DCLRE1C: variants seen among roughly 807,000 people sequenced by gnomAD.
DCLRE1C encodes DNA cross-link repair 1C.
A neutral mutation model predicts 61.4 loss-of-function variants in DCLRE1C; 47 were observed. That is an observed-to-expected ratio of 0.77 (90% CI 0.61 to 0.98). DCLRE1C has a LOEUF of 0.98. Among genes scored for constraint, DCLRE1C ranks in the 50% least tolerant of loss-of-function variants. The pLI is 0.00. For synonymous variants in DCLRE1C, 337 were observed against 287.6 expected (o/e 1.17, Z -1.74); for missense variants, 858 against 816.0 (o/e 1.05, Z -0.63).
At position 14,954,075 on chromosome 10, in the gene DCLRE1C, GCGC is replaced by G; in HGVS notation, c.-68_-66del. ...GCTGAAGCCAAGGCCAGCCCTGACC[GCGC>G]CGCCACTTCCGGGAAGCCGCGCGCT... is the stretch of plus-strand genomic sequence containing the variant. On this transcript the variant is annotated 5_prime_UTR_variant, in exon 1 of 14. Coordinates refer to ENST00000378278, the MANE Select transcript of DCLRE1C (RefSeq NM_001033855.3). 1.2e-6 allele frequency: 2 copies of G among 1,604,852 alleles called. No individual in the cohort carries two copies. Among genetic ancestry groups the G allele is most frequent in the East Asian group, 4.5e-5 (2 of 44,732 alleles).
At chr10:14,925,028 TA>T (rs1837726772) in intron 11 of DCLRE1C, among the ~76,000 whole-genome samples, 1 of 151,552 alleles carries the variant, frequency 6.6e-6, no homozygotes, top group Non-Finnish European at 1.5e-5. Context: ...TAACTCTACA[TA>T]AAAATAAAAG....
chr10:14,910,026 G>C (rs1227539634), intron 13 of DCLRE1C, among the ~76,000 whole-genome samples: 1 of 152,176 alleles, frequency 6.6e-6, no homozygotes, highest in East Asian at 1.9e-4. Flanking sequence ...TAGGAAGAAA[G>C]TTAAATGCAC....
rs766546189 is a variant in DCLRE1C, at chr10:14,934,376, A to G, written c.678+4T>C. On this transcript the variant is annotated splice_donor_region_variant and intron_variant, in intron 8 of 13. Transcript: ENST00000378278. ...GAAAAGAAAAGAATGAACAGTCACC[A>G]TACCTGGACTCCTAATTCTTCACTA... The G allele has an allele frequency of 6.2e-7, 1 of 1,613,924 alleles. No individual in the cohort carries two copies. Among genetic ancestry groups the G allele is most frequent in the Admixed American group, 1.7e-5 (1 of 59,980 alleles).
chr10:14,931,290 G>C (rs1277535862), intron 9 of DCLRE1C, among the ~76,000 whole-genome samples: 2 of 152,234 alleles, frequency 1.3e-5, no homozygotes, highest in South Asian at 2.1e-4. Context: ...GCTGGGTGTG[G>C]TGGCTCATGC....
Position 14,908,302 on chromosome 10 carries a change from G to A in DCLRE1C, c.*106C>T, listed in dbSNP as rs1834646990. The A allele has an allele frequency of 2.1e-6, 2 of 963,948 alleles. No individual in the cohort carries two copies. Among genetic ancestry groups the A allele is most frequent in the African/African-American group, 1.6e-5 (1 of 61,048 alleles). 59.7% of individuals were successfully genotyped at this position (963,948 alleles called of 1,614,324 possible). A position where few individuals can be genotyped will look rare whatever the true frequency, so the allele number is the denominator to read the frequency against. Reference sequence around the variant, plus strand: ...AAGTGTGAGCCACCACACCCAACCAGGTTATTTGAACATTTTTAAGTACTG... The same window carrying A: ...AAGTGTGAGCCACCACACCCAACCAAGTTATTTGAACATTTTTAAGTACTG... On this transcript the variant is annotated 3_prime_UTR_variant, in exon 14 of 14. Transcript: ENST00000378278.
chr10:14,908,958 G>T lies in DCLRE1C; in HGVS notation c.1529C>A (p.Ser510Tyr). 6.2e-7 allele frequency: 1 copy of T among 1,614,160 alleles called. No homozygotes were observed. Among genetic ancestry groups the T allele is most frequent in the Non-Finnish European group, 8.5e-7 (1 of 1,180,018 alleles). Residue 510 changes from serine to tyrosine, a missense_variant, in exon 14 of 14, where the codon TCC becomes TAC. Coordinates refer to ENST00000378278, the MANE Select transcript of DCLRE1C (RefSeq NM_001033855.3). ...TGACTGAGATCCCCCTGCCACTGTG[G>T]AGGAAGGGAAGTTTTCCAAACTCTC... ...TDESLENFPSSTVAGGSQSPK... is the reference protein window; with the variant it reads ...TDESLENFPSYTVAGGSQSPK...
At chr10:14,916,175 TCTC>T (rs1248438293) in intron 13 of DCLRE1C, among the ~76,000 whole-genome samples, 1 of 152,172 alleles carries the variant, frequency 6.6e-6, no homozygotes, top group Non-Finnish European at 1.5e-5. Flanking sequence ...ATGAATGCTT[TCTC>T]CTTGAGATTG....
Position 14,934,729 on chromosome 10 carries a change from G to A in DCLRE1C, c.511C>T (p.Pro171Ser). The A allele has an allele frequency of 6.2e-7, 1 of 1,613,966 alleles. No homozygotes were observed. The change falls in exon 7 of 14, where the codon CCA becomes TCA. Residue 171 changes from proline (P) to serine (S), a missense_variant. By Grantham distance (74) the Pro-to-Ser change is moderately conservative. Coordinates refer to ENST00000378278, the MANE Select transcript of DCLRE1C (RefSeq NM_001033855.3). ...CGACTTGGAATTTGGTAAAATCTTG[G>A]ATCACAGAACGTAGTATCCAAATAT... ...SVYLDTTFCD[P>S]RFYQIPSREE...
intron 12 of DCLRE1C, among the ~76,000 whole-genome samples, chr10:14,922,739 A>G (rs1212135009): frequency 6.6e-6 from 1 of 152,166 alleles, no homozygotes. Context: ...CTCACACTGC[A>G]CTGTTAGTAA....
chr10:14,924,715 G>A (rs903522559), intron 11 of DCLRE1C, among the ~76,000 whole-genome samples: 5 of 151,788 alleles, frequency 3.3e-5, no homozygotes, highest in African/African-American at 9.7e-5. Context: ...GGGTGTGGTC[G>A]TGGGCGCCGT....
chr10:14,940,321 C>G (rs1840669080), intron 3 of DCLRE1C, among the ~76,000 whole-genome samples: 1 of 146,758 alleles, frequency 6.8e-6, no homozygotes, highest in Non-Finnish European at 1.5e-5. Context: ...TGCATTCTCG[C>G]TCTGTCACCC....
chr10:14,907,560 T>C lies in DCLRE1C; in HGVS notation c.*848A>G, dbSNP rs41300684. Among the ~76,000 whole-genome samples the C allele has an allele frequency of 9.4e-3, 1,428 of 152,212 alleles. 28 individuals carry two copies. Among genetic ancestry groups the C allele is most frequent in the African/African-American group, 0.033 (1,363 of 41,534 alleles). On this transcript the variant is annotated 3_prime_UTR_variant, in exon 14 of 14. Transcript: ENST00000378278. ...TTAGTTTGTCTCTTTTCAGCTGTTC[T>C]AGCTTCATAAATTTTTGGAGCTGTT...
At chr10:14,946,108 A>G (rs900080758) in intron 2 of DCLRE1C, among the ~76,000 whole-genome samples, 12 of 151,638 alleles carry the variant, frequency 7.9e-5, no homozygotes, top group Admixed American at 4.6e-4. Context: ...TCCCGGGTTC[A>G]AGCGATTCTC....
At chr10:14,909,857 G>A (rs1456077228) in intron 13 of DCLRE1C, among the ~76,000 whole-genome samples, 3 of 152,114 alleles carry the variant, frequency 2.0e-5, no homozygotes, top group African/African-American at 7.2e-5. Context: ...GGTTGCAACA[G>A]GTTAAATCAA....
At chr10:14,952,548 A>T (rs1842603893) in intron 1 of DCLRE1C, among the ~76,000 whole-genome samples, 1 of 152,148 alleles carries the variant, frequency 6.6e-6, no homozygotes, top group Non-Finnish European at 1.5e-5. Flanking sequence ...AGATCACGCC[A>T]CTGCACTCCA....
exon 14 of DCLRE1C, chr10:14,899,140 T>C (rs2131712002): frequency 1.5e-6 from 1 of 684,442 alleles, no homozygotes; most frequent in Admixed American, 2.0e-5. Context: ...GGCAACATAG[T>C]GAGACCCCAC....
At chr10:14,948,054 G>A (rs544503376) in intron 2 of DCLRE1C, among the ~76,000 whole-genome samples, 1 of 151,912 alleles carries the variant, frequency 6.6e-6, no homozygotes, top group African/African-American at 2.4e-5. Context: ...TGTCACAAAA[G>A]TCAATAAGTA....
chr10:14,897,483 A>G (rs760165726), exon 14 of DCLRE1C: 6 of 1,573,848 alleles, frequency 3.8e-6, no homozygotes, highest in Non-Finnish European at 5.2e-6. Context: ...GTGAAGATTA[A>G]AAGAATGAGT....
At chr10:14,916,503 A>G (rs1011356185) in intron 13 of DCLRE1C, among the ~76,000 whole-genome samples, 7 of 152,236 alleles carry the variant, frequency 4.6e-5, no homozygotes, top group Non-Finnish European at 8.8e-5. Context: ...TTTTCTGATT[A>G]AAGAGGTTCA....
Sources: allele counts gnomAD v4.1 joint callset (sites outside exome capture counted in the v4.1 genomes callset), GRCh38; gene constraint gnomAD v4.1.1; transcripts MANE v1.5; gene names NCBI Gene and HGNC (gene_info 2026-07-23, HGNC 2026-07-21).